CAPRIN1: variants seen among roughly 807,000 people sequenced by gnomAD.
CAPRIN1 encodes caprin-1.
CAPRIN1 carries 29 observed loss-of-function variants against 100.9 expected under a neutral mutation model. The ratio of observed to expected loss-of-function variants is 0.29; its 90% CI spans 0.21 to 0.39. The LOEUF (loss-of-function observed/expected upper bound fraction) is 0.39. Among genes scored for constraint, CAPRIN1 ranks in the 10% least tolerant of loss-of-function variants. The probability of loss-of-function intolerance (pLI) is 1.00; values close to 1 mark genes in which losing one functional copy is unlikely to be tolerated. For missense variants in CAPRIN1, 795 were observed against 876.7 expected, an observed-to-expected ratio of 0.91 and a Z score of 1.18; for synonymous variants, 338 against 307.5, an observed-to-expected ratio of 1.10 and a Z score of -1.04.
In CAPRIN1 at chr11:34,051,824, C is replaced by G. The variant is rs1489862661; in HGVS notation, c.-48C>G. 1 of 152,828 alleles carries G rather than the reference C, an allele frequency of 6.5e-6. No homozygotes were observed. Among genetic ancestry groups the G allele is most frequent in the African/African-American group, 2.4e-5 (1 of 41,482 alleles). The allele number at this position is 152,828 out of a possible 1,614,324, so 9.5% of individuals were successfully genotyped here. A position where few individuals can be genotyped will look rare whatever the true frequency, so the allele number is the denominator to read the frequency against. Reference sequence around the variant, plus strand: ...GCCCGGAAGGGACCACCACCCTTGCCCCCTCAGCTGCCCACTCGTGATTTC... The same window carrying G: ...GCCCGGAAGGGACCACCACCCTTGCGCCCTCAGCTGCCCACTCGTGATTTC... On this transcript the variant is annotated 5_prime_UTR_variant, in exon 1 of 19. Coordinates refer to ENST00000341394, the MANE Select transcript of CAPRIN1 (RefSeq NM_005898.5).
rs1399009325 is a variant in CAPRIN1, at chr11:34,076,757, CAG to C, written c.688+118_688+119del. On this transcript the variant is annotated intron_variant, in intron 6 of 18. Coordinates refer to ENST00000341394, the MANE Select transcript of CAPRIN1 (RefSeq NM_005898.5). ...ATTAGTTTTTTTTTTTTTTTGGAGA[CAG>C]AGTCTACTCTGTTGCCCAGGTTGGA... 19 of 702,378 alleles carry C rather than the reference CAG, an allele frequency of 2.7e-5. No homozygotes were observed. In the African/African-American group the frequency reaches 3.2e-4, roughly 12 times the overall value. The allele number at this position is 702,378 out of a possible 1,614,324, so 43.5% of individuals were successfully genotyped here. A position where few individuals can be genotyped will look rare whatever the true frequency, so the allele number is the denominator to read the frequency against.
intron 2 of CAPRIN1, among the ~76,000 whole-genome samples, chr11:34,068,222 C>G (rs1850738118): frequency 6.6e-6 from 1 of 152,222 alleles, no homozygotes; most frequent in Admixed American, 6.5e-5. Flanking sequence ...CTCAGAGTTA[C>G]TGTATTTGTA....
intron 9 of CAPRIN1, 128 bp downstream of exon 9, chr11:34,083,169 A>C: frequency 3.0e-6 from 2 of 658,098 alleles, no homozygotes; most frequent in Non-Finnish European, 2.7e-6. Context: ...GACTCATTAC[A>C]CCAGACTGTT....
chr11:34,071,668 C>CTTA lies in CAPRIN1; in HGVS notation c.217-57_217-55dup, dbSNP rs1406151723. On this transcript the variant is annotated intron_variant, in intron 2 of 18. Coordinates refer to ENST00000341394, the MANE Select transcript of CAPRIN1 (RefSeq NM_005898.5). The stretch of plus-strand genomic sequence containing the variant: ...GATTGTGAGGGTTTTGTCAAGCATG[C>CTTA]TTAAGCTGGTATATACCTTCAAAAC... 22 of 1,210,948 alleles carry CTTA rather than the reference C, an allele frequency of 1.8e-5. No homozygotes were observed. In the East Asian group the frequency reaches 4.9e-4, roughly 27 times the overall value. 75.0% of individuals were successfully genotyped at this position (1,210,948 alleles called of 1,614,324 possible).
chr11:34,055,124 C>G (rs1002377240), intron 2 of CAPRIN1, among the ~76,000 whole-genome samples: 5 of 152,084 alleles, frequency 3.3e-5, no homozygotes, highest in African/African-American at 1.2e-4. Flanking sequence ...TTACTATACT[C>G]TGTCATACCC....
At chr11:34,098,019 A>G (rs1851397717) in intron 18 of CAPRIN1, 5 of 1,156,414 alleles carry the variant, frequency 4.3e-6, no homozygotes, top group Non-Finnish European at 5.3e-6. Flanking sequence ...TGTTTTTCCA[A>G]CTGAAAATTA....
intron 2 of CAPRIN1, among the ~76,000 whole-genome samples, chr11:34,061,913 T>C (rs1369929425): frequency 1.4e-5 from 2 of 140,240 alleles, no homozygotes; most frequent in Non-Finnish European, 3.0e-5. Flanking sequence ...AGAGGCTGCA[T>C]GAGCCAAGAT....
intron 7 of CAPRIN1, among the ~76,000 whole-genome samples, chr11:34,081,826 A>G (rs1200816014): frequency 6.7e-6 from 1 of 148,344 alleles, no homozygotes; most frequent in Non-Finnish European, 1.5e-5. Context: ...TGTGGGGGAC[A>G]GGGGGCACTG....
chr11:34,073,685 C>CA (rs1476678768), intron 4 of CAPRIN1, among the ~76,000 whole-genome samples: 2 of 152,168 alleles, frequency 1.3e-5, no homozygotes, highest in Non-Finnish European at 2.9e-5. Context: ...CTCAGCCTCC[C>CA]AAAGTGTTGG....
intron 13 of CAPRIN1, 100 bp from the exon 14 acceptor site, chr11:34,090,429 A>T: frequency 6.4e-6 from 9 of 1,398,356 alleles, no homozygotes; most frequent in South Asian, 1.3e-5. Context: ...GTTAATACAT[A>T]TAAGTTTGAG....
At chr11:34,095,060 T>TTG (rs1851342769) in intron 15 of CAPRIN1, among the ~76,000 whole-genome samples, 1 of 151,714 alleles carries the variant, frequency 6.6e-6, no homozygotes, top group Admixed American at 6.6e-5. Flanking sequence ...TTTTTTGTAT[T>TTG]TTGTTGTTGT....
chr11:34,054,956 T>A (rs1393370132), intron 2 of CAPRIN1, among the ~76,000 whole-genome samples: 1 of 152,094 alleles, frequency 6.6e-6, no homozygotes, highest in Non-Finnish European at 1.5e-5. Flanking sequence ...GAAGTTAATA[T>A]AAAGGTAGGT....
intron 15 of CAPRIN1, among the ~76,000 whole-genome samples, 167 bp downstream of exon 15, chr11:34,092,223 G>A (rs563611453): frequency 1.1e-4 from 17 of 152,210 alleles, no homozygotes; most frequent in African/African-American, 3.9e-4. Context: ...GTCTGTACTT[G>A]TATATGTGAA....
chr11:34,069,713 T>G (rs886529885), intron 2 of CAPRIN1, among the ~76,000 whole-genome samples: 1 of 152,042 alleles, frequency 6.6e-6, no homozygotes, highest in East Asian at 1.9e-4. Flanking sequence ...ATTTGGAGGC[T>G]TATAGATGGT....
At chr11:34,094,713 C>G (rs1421144071) in intron 15 of CAPRIN1, among the ~76,000 whole-genome samples, 1 of 152,178 alleles carries the variant, frequency 6.6e-6, no homozygotes, top group Non-Finnish European at 1.5e-5. Flanking sequence ...CGGAGGATCA[C>G]TTGAGCCCAG....
At chr11:34,055,257 G>A (rs1590716642) in intron 2 of CAPRIN1, among the ~76,000 whole-genome samples, 1 of 151,970 alleles carries the variant, frequency 6.6e-6, no homozygotes, top group Non-Finnish European at 1.5e-5. Context: ...TCCACCTCCC[G>A]GGTTCAAGTG....
At chr11:34,083,110 A>G (rs1380654560) in intron 9 of CAPRIN1, 69 bp downstream of exon 9, 10 of 1,024,796 alleles carry the variant, frequency 9.8e-6, no homozygotes, top group African/African-American at 1.6e-5. Context: ...TCTACTGAGA[A>G]CAAATTAAGA....
chr11:34,087,561 C>T (rs991778225), intron 11 of CAPRIN1, among the ~76,000 whole-genome samples: 1 of 122,912 alleles, frequency 8.1e-6, no homozygotes, highest in Non-Finnish European at 1.8e-5. Flanking sequence ...TCTCGATCTC[C>T]TGACCTCGTG....
intron 2 of CAPRIN1, among the ~76,000 whole-genome samples, chr11:34,059,449 T>C (rs539827287): frequency 6.6e-6 from 1 of 152,308 alleles, no homozygotes; most frequent in South Asian, 2.1e-4. Context: ...TTTGTATTTT[T>C]AGTAGAGACG....
Sources: gnomAD v4.1 joint callset for allele counts (sites outside exome capture counted in the v4.1 genomes callset) on GRCh38, gnomAD v4.1.1 for gene constraint, MANE v1.5 for transcripts, NCBI Gene and HGNC (gene_info 2026-07-23, HGNC 2026-07-21) for gene names.